The following IRAK1BP1 variants were observed in gnomAD, a reference collection of about 807,000 sequenced individuals.
The protein encoded by IRAK1BP1 is interleukin 1 receptor associated kinase 1 binding protein 1, also known as interleukin-1 receptor-associated kinase 1-binding protein 1.
In IRAK1BP1, 24 loss-of-function variants were observed where a neutral mutation model predicts 28.0. The ratio of observed to expected loss-of-function variants is 0.86; its 90% CI spans 0.62 to 1.20. The LOEUF is 1.20. IRAK1BP1 is among the 50% of genes most tolerant of loss of function. The pLI is 0.00. For synonymous variants in IRAK1BP1, 131 were observed against 116.3 expected (o/e 1.13, Z -0.81); for missense variants, 336 against 316.7 (o/e 1.06, Z -0.46).
At chr6:78,956,917 T>C in the IRAK1BP1 span, 2 of 152,078 alleles carry the variant, frequency 1.3e-5, no homozygotes, top group Non-Finnish European at 2.9e-5. Context: ...ATTAAAAGGA[T>C]CCATCACATT....
the IRAK1BP1 span, among the ~76,000 whole-genome samples, chr6:78,969,437 C>G: frequency 6.6e-6 from 1 of 152,054 alleles, no homozygotes; most frequent in Non-Finnish European, 1.5e-5. Context: ...GTTTATGATA[C>G]TAATTTTAAA....
chr6:78,935,140 G>C (rs1419865850), intron 4 of IRAK1BP1, among the ~76,000 whole-genome samples: 1 of 152,030 alleles, frequency 6.6e-6, no homozygotes, highest in Non-Finnish European at 1.5e-5. Context: ...TTTCTTGGCT[G>C]GTTCTTCTAA....
At chr6:78,946,883 G>GAA (rs369427137), downstream of IRAK1BP1, 33 of 1,309,852 alleles carry the variant, frequency 2.5e-5, no homozygotes, top group South Asian at 4.5e-5. Flanking sequence ...ATCTGTGAGG[G>GAA]AAAAAAAAAA....
chr6:78,906,851 TATTA>T (rs1205640974), downstream of IRAK1BP1, among the ~76,000 whole-genome samples: 1 of 152,142 alleles, frequency 6.6e-6, no homozygotes, highest in African/African-American at 2.4e-5. Context: ...CAAAAAGAGG[TATTA>T]ATTAATCACA....
the IRAK1BP1 span, among the ~76,000 whole-genome samples, chr6:78,966,777 A>C: frequency 6.6e-6 from 1 of 152,228 alleles, no homozygotes; most frequent in African/African-American, 2.4e-5. Flanking sequence ...GAAAACTGTA[A>C]GTCACTTACT....
At chr6:78,891,069 A>G (rs1160933791) in intron 2 of IRAK1BP1, among the ~76,000 whole-genome samples, 1 of 152,202 alleles carries the variant, frequency 6.6e-6, no homozygotes, top group Admixed American at 6.5e-5. Flanking sequence ...GCCTCCAAGA[A>G]AAAAATAAAG....
chr6:78,955,706 A>G, the IRAK1BP1 span: 1 of 757,802 alleles, frequency 1.3e-6, no homozygotes, highest in Non-Finnish European at 2.2e-6. Context: ...AAATGTTAAC[A>G]TGTAAGATTA....
At chr6:78,919,832 A>G (rs923287969) in intron 4 of IRAK1BP1, among the ~76,000 whole-genome samples, 5 of 152,168 alleles carry the variant, frequency 3.3e-5, no homozygotes, top group Non-Finnish European at 4.4e-5. Flanking sequence ...GACTCATTCT[A>G]TGTAGACAGC....
chr6:78,960,481 A>G, the IRAK1BP1 span, among the ~76,000 whole-genome samples: 2 of 151,348 alleles, frequency 1.3e-5, no homozygotes, highest in Non-Finnish European at 2.9e-5. Flanking sequence ...TAAACTTCCA[A>G]CACCTGATAT....
At chr6:78,875,351 A>G (rs1770959008) in intron 1 of IRAK1BP1, among the ~76,000 whole-genome samples, 2 of 152,232 alleles carry the variant, frequency 1.3e-5, no homozygotes, top group South Asian at 4.1e-4. Context: ...AAATAAAATT[A>G]CCATTTGACC....
At chr6:78,951,635 C>G in the IRAK1BP1 span, among the ~76,000 whole-genome samples, 2 of 152,166 alleles carry the variant, frequency 1.3e-5, no homozygotes, top group African/African-American at 4.8e-5. Context: ...CTTATTTCTA[C>G]TACTTTTTGT....
intron 1 of IRAK1BP1, chr6:78,871,278 T>G (rs1443157179): frequency 1.0e-6 from 1 of 985,202 alleles, no homozygotes; most frequent in Non-Finnish European, 1.2e-6. Context: ...CAAAAGTGTT[T>G]CGGTCACTCA....
chr6:78,976,644 T>C, the IRAK1BP1 span, among the ~76,000 whole-genome samples: 3 of 146,016 alleles, frequency 2.1e-5, no homozygotes, highest in South Asian at 4.5e-4. Context: ...AGGGCTAATA[T>C]CCAGAATCTA....
the IRAK1BP1 span, chr6:78,963,358 T>G: frequency 1.2e-6 from 1 of 833,682 alleles, no homozygotes; most frequent in Non-Finnish European, 1.8e-6. Flanking sequence ...ATATTTTGTA[T>G]AGATTTGTAA....
At chr6:78,893,324 A>ATG (rs1771745637) in intron 2 of IRAK1BP1, among the ~76,000 whole-genome samples, 1 of 69,874 alleles carries the variant, frequency 1.4e-5, no homozygotes, top group Non-Finnish European at 3.5e-5. Flanking sequence ...GTATATATAT[A>ATG]TATATATATA....
At chr6:78,966,626 G>A in the IRAK1BP1 span, among the ~76,000 whole-genome samples, 2 of 151,596 alleles carry the variant, frequency 1.3e-5, no homozygotes, top group Admixed American at 1.3e-4. Flanking sequence ...TTTTAAAACA[G>A]AGGACACTCC....
chr6:78,867,689 G>A lies in IRAK1BP1; in HGVS notation c.113G>A (p.Arg38His). Residue 38 changes from arginine to histidine, a missense_variant, in exon 1 of 4, where the codon CGC (arginine) becomes CAC (histidine). Physicochemically the swap from Arg to His is conservative, Grantham distance 29. Coordinates refer to ENST00000369940, the MANE Select transcript of IRAK1BP1 (RefSeq NM_001010844.4). ...GGGAGAGAGACGCTACCGGGCTTAC[G>A]CCACCCCCTCTCCTCAACACAAGCC... Reference protein sequence around the residue: ...ASGRETLPGLRHPLSSTQAQT... With the variant: ...ASGRETLPGLHHPLSSTQAQT... The A allele has an allele frequency of 6.2e-7, 1 of 1,614,238 alleles. No homozygotes were observed. Among genetic ancestry groups the A allele is most frequent in the Non-Finnish European group, 8.5e-7 (1 of 1,180,046 alleles).
the IRAK1BP1 span, chr6:78,958,603 TA>T: frequency 7.1e-6 from 11 of 1,539,530 alleles, no homozygotes; most frequent in Non-Finnish European, 6.2e-6. Context: ...AAACCCGCCT[TA>T]AAAAAACAAA....
At chr6:78,877,909 A>T (rs1006066818) in intron 1 of IRAK1BP1, among the ~76,000 whole-genome samples, 1 of 151,732 alleles carries the variant, frequency 6.6e-6, no homozygotes, top group Non-Finnish European at 1.5e-5. Context: ...CAGCAGTCTG[A>T]TATCGAACTG....
Sources: allele counts gnomAD v4.1 joint callset (sites outside exome capture counted in the v4.1 genomes callset), GRCh38; gene constraint gnomAD v4.1.1; transcripts MANE v1.5; gene names NCBI Gene and HGNC (gene_info 2026-07-23, HGNC 2026-07-21).